The following HELZ variants were observed in gnomAD, a reference collection of about 807,000 sequenced individuals.
HELZ encodes helicase with zinc finger, also known as ATP-dependent RNA helicase with zinc finger domain.
Under a neutral mutation model 218.2 loss-of-function variants are expected in HELZ, and 23 were observed. The observed-to-expected ratio is 0.11, with a 90% confidence interval of 0.08 to 0.15. HELZ has a LOEUF of 0.15. HELZ is among the 10% of genes least tolerant of loss of function. HELZ has a pLI of 1.00. For synonymous variants in HELZ, 814 were observed against 829.4 expected, an observed-to-expected ratio of 0.98 and a Z score of 0.32; for missense variants, 1,813 against 2,353.7, an observed-to-expected ratio of 0.77 and a Z score of 4.75.
chr17:67,191,763 C>CTT (rs71139120), intron 9 of HELZ, among the ~76,000 whole-genome samples: 167 of 132,472 alleles, frequency 1.3e-3, no homozygotes, highest in Non-Finnish European at 1.9e-3. Context: ...TGATCATTAA[C>CTT]TTTTTTTTTT....
intron 31 of HELZ, among the ~76,000 whole-genome samples, chr17:67,088,983 C>CT (rs910900059): frequency 5.9e-5 from 9 of 151,614 alleles, no homozygotes; most frequent in East Asian, 1.9e-4. Flanking sequence ...CGCAGCGTGT[C>CT]TTTTTTTTTA....
In HELZ at chr17:67,086,867, T is replaced by C. The variant is rs778478574; in HGVS notation, c.5456A>G (p.Asn1819Ser). 5.6e-6 allele frequency: 9 copies of C among 1,613,556 alleles called. No homozygotes were observed. In the South Asian group the frequency reaches 6.6e-5, roughly 12 times the overall value. Residue 1819 changes from asparagine (N) to serine (S), a missense_variant, in exon 32 of 33, where the codon AAT (asparagine) becomes AGT (serine). By Grantham distance (46) the Asn-to-Ser change is conservative. Around this residue, in one of 4 missense-constraint regions of HELZ, gnomAD observed 938 missense variants for 1,027.5 expected, o/e 0.91. Coordinates refer to ENST00000358691, the MANE Select transcript of HELZ (RefSeq NM_014877.4). The stretch of plus-strand genomic sequence containing the variant: ...GGGCTGAGCTGTCCTGCTGGATCCA[T>C]TGCACGGAATGTTCTGATAAGGAGT... ...SSTPYQNIPC[N>S]GSSRTAQPRE... is the part of the protein sequence containing the mutation.
chr17:67,081,271 T>C (rs1339469370), intron 32 of HELZ, among the ~76,000 whole-genome samples: 1 of 152,200 alleles, frequency 6.6e-6, no homozygotes, highest in African/African-American at 2.4e-5. Flanking sequence ...TAAGTTTCTA[T>C]CTTATTTAAG....
intron 28 of HELZ, among the ~76,000 whole-genome samples, chr17:67,110,363 C>G (rs1296524627): frequency 6.6e-6 from 1 of 152,062 alleles, no homozygotes; most frequent in East Asian, 1.9e-4. Flanking sequence ...GCCATCACAC[C>G]CAGCCTGATT....
Position 67,071,127 on chromosome 17 carries a change from T to C in HELZ, c.*7125A>G, listed in dbSNP as rs1462023397. The C allele has an allele frequency of 1.3e-5, 2 of 152,388 alleles. No homozygotes were observed. The highest frequency in any genetic ancestry group is 2.9e-5 in the Non-Finnish European group (2 of 68,020). The allele number at this position is 152,388 out of a possible 1,614,324, so 9.4% of individuals were successfully genotyped here. A position where few individuals can be genotyped will look rare whatever the true frequency, so the allele number is the denominator to read the frequency against. ...ACATATAGCCAGTACCTTTATGGGGTTTAAAGAATCAGGTCAGATGACTGG... is the reference window on the plus strand; with the variant it reads ...ACATATAGCCAGTACCTTTATGGGGCTTAAAGAATCAGGTCAGATGACTGG... On this transcript the variant is annotated 3_prime_UTR_variant, in exon 33 of 33. Transcript: ENST00000358691.
intron 5 of HELZ, among the ~76,000 whole-genome samples, chr17:67,209,795 C>T (rs2040405660): frequency 6.6e-6 from 1 of 152,192 alleles, no homozygotes; most frequent in Non-Finnish European, 1.5e-5. Context: ...AATGATAATA[C>T]AATTTGACTA....
In HELZ at chr17:67,107,227, G is replaced by A; in HGVS notation, c.5183C>T (p.Pro1728Leu). Residue 1728 changes from proline (P) to leucine (L), a missense_variant, in exon 31 of 33, where the codon CCA (proline) becomes CTA (leucine). Physicochemically the swap from Pro to Leu is moderately conservative, Grantham distance 98. Around this residue, in one of 4 missense-constraint regions of HELZ, gnomAD observed 938 missense variants for 1,027.5 expected, o/e 0.91. Transcript: ENST00000358691. ...TGTTCGAGATGACAATGGGTGAAAT[G>A]GCTCTTGACCAATAGCATGTTGATG... is the stretch of plus-strand genomic sequence containing the variant. ...QNHQHAIGQE[P>L]FHPLSSRTVS... is the part of the protein sequence containing the mutation. 6.2e-7 allele frequency: 1 copy of A among 1,614,166 alleles called. No homozygotes were observed. Among genetic ancestry groups the A allele is most frequent in the Non-Finnish European group, 8.5e-7 (1 of 1,180,000 alleles).
At position 67,070,576 on chromosome 17, in the gene HELZ, T is replaced by G. The variant is rs1425853757; in HGVS notation, c.*7676A>C. 1 of 152,140 alleles carries G rather than the reference T, an allele frequency of 6.6e-6. No homozygotes were observed. The highest frequency in any genetic ancestry group is 1.5e-5 in the Non-Finnish European group (1 of 68,016). 9.4% of individuals were successfully genotyped at this position (152,140 alleles called of 1,614,324 possible). A position where few individuals can be genotyped will look rare whatever the true frequency, so the allele number is the denominator to read the frequency against. On this transcript the variant is annotated 3_prime_UTR_variant, in exon 33 of 33. Transcript: ENST00000358691. ...CACTGTAGGAACTGTAGACCCCAAG[T>G]TGAAAACTTGTTCTATGGAACCAAA... is the stretch of plus-strand genomic sequence containing the variant.
At chr17:67,231,992 G>T (rs2041049091) in intron 3 of HELZ, among the ~76,000 whole-genome samples, 2 of 143,396 alleles carry the variant, frequency 1.4e-5, no homozygotes, top group Non-Finnish European at 3.0e-5. Context: ...GGGGGAAGTT[G>T]CAGTGAGCCA....
chr17:67,146,665 A>G (rs143155735), intron 20 of HELZ, among the ~76,000 whole-genome samples: 3 of 152,346 alleles, frequency 2.0e-5, no homozygotes, highest in African/African-American at 7.2e-5. Flanking sequence ...TGAAGACACC[A>G]TCTAGTACTT....
chr17:67,165,558 A>T (rs1293605101), intron 15 of HELZ, among the ~76,000 whole-genome samples: 2 of 152,214 alleles, frequency 1.3e-5, no homozygotes, highest in African/African-American at 4.8e-5. Context: ...AGCCACTGAG[A>T]TTAAAAAAGA....
intron 31 of HELZ, among the ~76,000 whole-genome samples, chr17:67,094,099 A>C (rs1241189714): frequency 2.0e-5 from 3 of 152,196 alleles, no homozygotes; most frequent in Non-Finnish European, 4.4e-5. Flanking sequence ...AGGTGGGCAG[A>C]GTGCTTAAGT....
intron 3 of HELZ, 103 bp from the exon 4 acceptor site, chr17:67,218,925 T>C (rs2040675391): frequency 5.4e-6 from 4 of 746,348 alleles, no homozygotes; most frequent in Non-Finnish European, 4.4e-6. Flanking sequence ...ATCTGAATAC[T>C]CTCAGCTAGC....
chr17:67,140,324 C>T (rs1364670008), intron 21 of HELZ, among the ~76,000 whole-genome samples: 1 of 152,152 alleles, frequency 6.6e-6, no homozygotes, highest in Admixed American at 6.5e-5. Context: ...GCCCAGGAGA[C>T]GGTGAGCGGA....
intron 13 of HELZ, among the ~76,000 whole-genome samples, chr17:67,168,040 T>A (rs1312976732): frequency 6.6e-6 from 1 of 152,118 alleles, no homozygotes; most frequent in African/African-American, 2.4e-5. Context: ...TGGAGTACAG[T>A]GGCACGATCT....
At position 67,167,478 on chromosome 17, in the gene HELZ, A is replaced by T. The variant is rs764973205; in HGVS notation, c.1749T>A (p.Pro583=). 6.2e-7 allele frequency: 1 copy of T among 1,611,978 alleles called. No homozygotes were observed. Among genetic ancestry groups the T allele is most frequent in the Non-Finnish European group, 8.5e-7 (1 of 1,178,320 alleles). Residue 583 remains proline (P), a synonymous_variant, in exon 14 of 33, where the codon CCT becomes CCA. Coordinates refer to ENST00000358691, the MANE Select transcript of HELZ (RefSeq NM_014877.4). ...TCAAACATACCTGTGTGTCACAGTCAGGCCGAAGATTAAGTTCTTCACAGC... is the reference window on the plus strand; with the variant it reads ...TCAAACATACCTGTGTGTCACAGTCTGGCCGAAGATTAAGTTCTTCACAGC... ...RECCEELNLR[P]DCDTQVELQF...
rs1038884274 is a variant in HELZ at position 67,107,761 on chromosome 17, T to C, written c.4725-76A>G. 44 of 1,332,238 alleles carry C rather than the reference T, an allele frequency of 3.3e-5. 1 individual carries two copies. The Admixed American group carries it at 1.0e-3, about 31-fold the overall frequency. 82.5% of individuals were successfully genotyped at this position (1,332,238 alleles called of 1,614,324 possible). Reference sequence around the variant, plus strand: ...TAAGGAAAGCTTAGTCAACTACACATGTATTTTCAACAAACAAAATCATAG... The same window carrying C: ...TAAGGAAAGCTTAGTCAACTACACACGTATTTTCAACAAACAAAATCATAG... On this transcript the variant is annotated intron_variant, in intron 30 of 32. Coordinates refer to ENST00000358691, the MANE Select transcript of HELZ (RefSeq NM_014877.4).
intron 3 of HELZ, among the ~76,000 whole-genome samples, chr17:67,219,744 T>G: frequency 6.6e-6 from 1 of 152,130 alleles, no homozygotes; most frequent in East Asian, 1.9e-4. Flanking sequence ...CAAACATAAG[T>G]CCTACCAGTT....
chr17:67,222,903 T>C (rs1311141345), intron 3 of HELZ, among the ~76,000 whole-genome samples: 2 of 152,076 alleles, frequency 1.3e-5, no homozygotes, highest in African/African-American at 2.4e-5. Flanking sequence ...TCTGTATCTA[T>C]TGTATGTGAT....
Sources: allele counts gnomAD v4.1 joint callset (sites outside exome capture counted in the v4.1 genomes callset), GRCh38; gene constraint gnomAD v4.1.1; regional missense constraint gnomAD v4.1.1; transcripts MANE v1.5; gene names NCBI Gene and HGNC (gene_info 2026-07-23, HGNC 2026-07-21).